The following ECI1 variants were observed in gnomAD, a reference collection of about 807,000 sequenced individuals.
ECI1 encodes the protein enoyl-CoA delta isomerase 1.
A neutral mutation model predicts 34.2 loss-of-function variants in ECI1; 34 were observed. That is an observed-to-expected ratio of 1.00 (90% CI 0.76 to 1.33). The LOEUF is 1.33. Among genes scored for constraint, ECI1 ranks in the 40% most tolerant of loss-of-function variants. The pLI is 0.00. For missense variants in ECI1, 456 were observed against 422.2 expected (o/e 1.08, Z -0.70); for synonymous variants, 211 against 193.0 (o/e 1.09, Z -0.77).
chr16:2,241,237 G>A (rs1256137088), intron 6 of ECI1: 4 of 152,176 alleles, frequency 2.6e-5, no homozygotes, highest in African/African-American at 7.2e-5. Context: ...TGGCAGCACA[G>A]CCTTCAGTCA....
intron 6 of ECI1, chr16:2,240,505 C>A (rs1200015839): frequency 7.2e-6 from 2 of 277,010 alleles, no homozygotes; most frequent in East Asian, 1.9e-4. Context: ...GCCAGCACGC[C>A]CGGCCCTAAT....
At chr16:2,242,345 CCT>C (rs1375916408) in intron 6 of ECI1, 1 of 152,908 alleles carries the variant, frequency 6.5e-6, no homozygotes, top group Non-Finnish European at 1.5e-5. Flanking sequence ...GTTTACGTCT[CCT>C]CTGTGGCTGC....
chr16:2,251,265 C>T, intron 2 of ECI1, 51 bp downstream of exon 2: 1 of 922,448 alleles, frequency 1.1e-6, no homozygotes, highest in Non-Finnish European at 1.4e-6. Context: ...GAGCGCGGAC[C>T]CCCGCGGGTC....
At chr16:2,240,383 G>A in intron 6 of ECI1, 1 of 471,112 alleles carries the variant, frequency 2.1e-6, no homozygotes. Context: ...GGCTAATTTT[G>A]TATTTTTAGT....
chr16:2,246,869 A>G lies in ECI1; in HGVS notation c.284T>C (p.Ile95Thr), dbSNP rs755637402. 6.2e-7 allele frequency: 1 copy of G among 1,612,866 alleles called. No homozygotes were observed. The highest frequency in any genetic ancestry group is 1.1e-5 in the South Asian group (1 of 91,028). The change falls in exon 3 of 7, where the codon ATT (isoleucine) becomes ACT (threonine). Residue 95 changes from isoleucine (I) to threonine (T), a missense_variant. Coordinates refer to ENST00000301729, the MANE Select transcript of ECI1 (RefSeq NM_001919.4). ...LENDKSFRGV[I>T]LTSDRPGVFS... ...TGAACTAGCACCTACCGAGGTCAGA[A>G]TGACACCGCGGAAGCTCTTGTCATT...
rs1360598796 is a variant in ECI1 at position 2,247,003 on chromosome 16, G to A, written c.167-17C>T. The A allele has an allele frequency of 1.9e-6, 3 of 1,611,646 alleles. No individual in the cohort carries two copies. In the Admixed American group the frequency reaches 5.0e-5, roughly 27 times the overall value. ...CAGCGACCCCTAATTTAAAGAATGA[G>A]AAGAGAAAGCTCACACCTGGCACTG... On this transcript the variant is annotated splice_polypyrimidine_tract_variant and intron_variant, in intron 2 of 6. Coordinates refer to ENST00000301729, the MANE Select transcript of ECI1 (RefSeq NM_001919.4).
chr16:2,240,210 A>AT, intron 6 of ECI1, 65 bp from the exon 7 acceptor site: 1 of 1,522,028 alleles, frequency 6.6e-7, no homozygotes, highest in Non-Finnish European at 8.9e-7. Context: ...TTCCCAACTT[A>AT]TTTTTTATTT....
rs1368893019 is a variant in ECI1, at chr16:2,251,442, C to A, written c.53-13G>T. 4 of 1,493,226 alleles carry A rather than the reference C, an allele frequency of 2.7e-6. No individual in the cohort carries two copies. The highest frequency in any genetic ancestry group is 2.5e-5 in the South Asian group (2 of 79,516). 92.5% of individuals were successfully genotyped at this position (1,493,226 alleles called of 1,614,324 possible). On this transcript the variant is annotated splice_polypyrimidine_tract_variant and intron_variant, in intron 1 of 6. Coordinates refer to ENST00000301729, the MANE Select transcript of ECI1 (RefSeq NM_001919.4). Reference sequence around the variant, plus strand: ...GGGAGCCGGGCCCCTGCGAAGGCAGCGTGGGGGAGCCCGTTAGTTCCCGGT... The same window carrying A: ...GGGAGCCGGGCCCCTGCGAAGGCAGAGTGGGGGAGCCCGTTAGTTCCCGGT...
intron 3 of ECI1, among the ~76,000 whole-genome samples, chr16:2,245,833 G>A (rs954453912): frequency 6.6e-6 from 1 of 152,088 alleles, no homozygotes; most frequent in Non-Finnish European, 1.5e-5. Flanking sequence ...GGCAATAAAG[G>A]CACTGTCTCT....
chr16:2,251,574 G>C lies in ECI1; in HGVS notation c.-8C>G. On this transcript the variant is annotated 5_prime_UTR_variant, in exon 1 of 7. Coordinates refer to ENST00000301729, the MANE Select transcript of ECI1 (RefSeq NM_001919.4). ...AGAAGCCACCAGCGCCATCTTGACC[G>C]CAACGCGCGGGATAAAGGTCGCGGG... 6.4e-7 allele frequency: 1 copy of C among 1,553,258 alleles called. No individual in the cohort carries two copies. Among genetic ancestry groups the C allele is most frequent in the African/African-American group, 1.4e-5 (1 of 73,304 alleles).
intron 3 of ECI1, 103 bp downstream of exon 3, chr16:2,246,756 C>G: frequency 6.4e-7 from 1 of 1,570,200 alleles, no homozygotes; most frequent in Non-Finnish European, 8.7e-7. Context: ...CTGTGCCACA[C>G]GTTGGCAGGC....
intron 6 of ECI1, among the ~76,000 whole-genome samples, chr16:2,242,159 A>G (rs1475105229): frequency 6.6e-6 from 1 of 151,794 alleles, no homozygotes; most frequent in Admixed American, 6.6e-5. Flanking sequence ...CGCCTGGCCC[A>G]TTTCTGTATT....
Position 2,251,541 on chromosome 16 carries a change from A to C in ECI1, c.26T>G (p.Val9Gly). The C allele has an allele frequency of 3.2e-6, 5 of 1,560,390 alleles. No individual in the cohort carries two copies. Among genetic ancestry groups the C allele is most frequent in the Non-Finnish European group, 4.3e-6 (5 of 1,153,392 alleles). ...CGCGCGGAGCAGAACGCGCGCCGGG[A>C]CTCGCACAGAAGCCACCAGCGCCAT... MALVASVR[V>G]PARVLLRAGA... The change falls in exon 1 of 7, where the codon GTC becomes GGC. Residue 9 changes from valine (V) to glycine (G), a missense_variant. Physicochemically the swap from Val to Gly is moderately radical, Grantham distance 109. Transcript: ENST00000301729.
intron 2 of ECI1, among the ~76,000 whole-genome samples, chr16:2,249,802 C>T (rs1294772176): frequency 5.3e-5 from 7 of 133,204 alleles, no homozygotes; most frequent in East Asian, 2.5e-4. Context: ...GGTGTGAACC[C>T]GGGAGGCGGA....
At chr16:2,245,576 A>G (rs1445079708) in intron 3 of ECI1, among the ~76,000 whole-genome samples, 5 of 152,208 alleles carry the variant, frequency 3.3e-5, no homozygotes, top group Non-Finnish European at 5.9e-5. Flanking sequence ...TCCGTTACTC[A>G]AAACCCAGGC....
At chr16:2,243,500 G>C (rs1660712066) in intron 4 of ECI1, 61 bp from the exon 5 acceptor site, 1 of 1,597,972 alleles carries the variant, frequency 6.3e-7, no homozygotes, top group Non-Finnish European at 8.5e-7. Context: ...ATTCCAGAGG[G>C]CCAGGTCCAA....
At position 2,242,609 on chromosome 16, in the gene ECI1, C is replaced by T. The variant is rs2093530315; in HGVS notation, c.742+437G>A. ...GCAGATGTAATTAAGTTGGGATCAT[C>T]TTGGATTTAAGGTAGGTCCTAAATC... is the stretch of plus-strand genomic sequence containing the variant. On this transcript the variant is annotated intron_variant, in intron 6 of 6. Transcript: ENST00000301729. The T allele has an allele frequency of 1.5e-5, 3 of 205,790 alleles. No homozygotes were observed. The South Asian group carries it at 2.8e-4, about 19-fold the overall frequency. 12.7% of individuals were successfully genotyped at this position (205,790 alleles called of 1,614,324 possible).
chr16:2,243,081 G>A lies in ECI1; in HGVS notation c.707C>T (p.Ala236Val), dbSNP rs758776830. ...CATCCACTGGGCTATCGCTGACAGCGCAGTGCTCTGCACCTGCTCCTCCGG... is the reference window on the plus strand; with the variant it reads ...CATCCACTGGGCTATCGCTGACAGCACAGTGCTCTGCACCTGCTCCTCCGG... ...VVPEEQVQSTALSAIAQWMAI... is the reference protein window; with the variant it reads ...VVPEEQVQSTVLSAIAQWMAI... The change falls in exon 6 of 7, where the codon GCG (alanine) becomes GTG (valine). Residue 236 changes from alanine (A) to valine (V), a missense_variant. Transcript: ENST00000301729. 9.3e-6 allele frequency: 15 copies of A among 1,604,696 alleles called. No individual in the cohort carries two copies. The East Asian group carries it at 2.5e-4, about 26-fold the overall frequency.
intron 2 of ECI1, among the ~76,000 whole-genome samples, chr16:2,250,582 C>T (rs1430057368): frequency 6.6e-6 from 1 of 152,182 alleles, no homozygotes; most frequent in Non-Finnish European, 1.5e-5. Flanking sequence ...TAGGCGTGCC[C>T]TCTCGGTGCC....
Sources: gnomAD v4.1 joint callset for allele counts (sites outside exome capture counted in the v4.1 genomes callset) on GRCh38, gnomAD v4.1.1 for gene constraint, MANE v1.5 for transcripts, NCBI Gene and HGNC (gene_info 2026-07-23, HGNC 2026-07-21) for gene names.